NYAP2: variants seen among roughly 807,000 people sequenced by gnomAD.
NYAP2 encodes the protein neuronal tyrosine-phosphorylated phosphoinositide-3-kinase adaptor 2, also known as neuronal tyrosine-phosphorylated phosphoinositide-3-kinase adapter 2.
Under a neutral mutation model 50.4 loss-of-function variants are expected in NYAP2, and 23 were observed. That is an observed-to-expected ratio of 0.46 (90% CI 0.33 to 0.65). The LOEUF (loss-of-function observed/expected upper bound fraction) is 0.65, where lower values mean the gene tolerates loss of function less well. Among genes scored for constraint, NYAP2 ranks in the 30% least tolerant of loss-of-function variants. The pLI, the probability that NYAP2 is intolerant of heterozygous loss-of-function variation, is 0.02. For missense variants in NYAP2, 885 were observed against 861.0 expected (o/e 1.03, Z -0.35); for synonymous variants, 394 against 365.2 (o/e 1.08, Z -0.90).
At chr2:225,534,315 A>C (rs931538365) in intron 4 of NYAP2, among the ~76,000 whole-genome samples, 3 of 152,238 alleles carry the variant, frequency 2.0e-5, no homozygotes, top group African/African-American at 7.2e-5. Context: ...AAATTCCCAC[A>C]GCAGGGGCCA....
At chr2:225,627,442 T>A (rs1244087421) in intron 6 of NYAP2, among the ~76,000 whole-genome samples, 1 of 152,232 alleles carries the variant, frequency 6.6e-6, no homozygotes, top group African/African-American at 2.4e-5. Context: ...AAAGCAGTTT[T>A]AACTTGCGAA....
chr2:225,676,218 C>A, the NYAP2 span, among the ~76,000 whole-genome samples: 3 of 152,022 alleles, frequency 2.0e-5, no homozygotes, highest in Non-Finnish European at 2.9e-5. Context: ...GCCATAAATT[C>A]TTTCACAAAA....
intron 3 of NYAP2, among the ~76,000 whole-genome samples, chr2:225,448,657 G>A (rs1234159067): frequency 6.6e-6 from 1 of 152,078 alleles, no homozygotes; most frequent in Non-Finnish European, 1.5e-5. Flanking sequence ...AGTAGGGCTG[G>A]CCCTCTCTTC....
intron 4 of NYAP2, among the ~76,000 whole-genome samples, chr2:225,553,396 A>G (rs1415628897): frequency 6.6e-6 from 1 of 152,236 alleles, no homozygotes; most frequent in Non-Finnish European, 1.5e-5. Context: ...CAACTCCAGA[A>G]TCACAGGGCT....
intron 4 of NYAP2, among the ~76,000 whole-genome samples, chr2:225,560,279 G>A: frequency 6.6e-6 from 1 of 151,978 alleles, no homozygotes. Context: ...GTACTTTATT[G>A]TATAGTTATA....
At chr2:225,429,965 ACT>A (rs1455540216) in intron 3 of NYAP2, among the ~76,000 whole-genome samples, 2 of 152,152 alleles carry the variant, frequency 1.3e-5, no homozygotes. Context: ...TGGTCATGTG[ACT>A]CTGCCTACAG....
At chr2:225,604,582 C>A (rs1465869337) in intron 5 of NYAP2, among the ~76,000 whole-genome samples, 1 of 152,066 alleles carries the variant, frequency 6.6e-6, no homozygotes. Flanking sequence ...AAATATATTT[C>A]TATGTGTTTT....
At chr2:225,672,096 T>C in the NYAP2 span, among the ~76,000 whole-genome samples, 1 of 152,126 alleles carries the variant, frequency 6.6e-6, no homozygotes, top group Admixed American at 6.6e-5. Context: ...TTAAAGTCAC[T>C]GGCTGCATTA....
chr2:225,429,696 T>A (rs766601282), intron 3 of NYAP2, among the ~76,000 whole-genome samples: 1 of 152,228 alleles, frequency 6.6e-6, no homozygotes, highest in Non-Finnish European at 1.5e-5. Flanking sequence ...ATAGCACATA[T>A]GTTTGCAGAA....
chr2:225,462,173 C>A (rs996325240), intron 3 of NYAP2, among the ~76,000 whole-genome samples: 4 of 152,108 alleles, frequency 2.6e-5, no homozygotes, highest in African/African-American at 9.7e-5. Flanking sequence ...AAGCTTAGAT[C>A]ATTGGATTTG....
exon 7 of NYAP2, chr2:225,651,661 T>G (rs1341224337): frequency 7.4e-7 from 1 of 1,355,372 alleles, no homozygotes; most frequent in African/African-American, 1.4e-5. Flanking sequence ...TATGTGTGTA[T>G]GGGTTAGGGG....
intron 5 of NYAP2, among the ~76,000 whole-genome samples, chr2:225,617,449 A>T (rs1050057302): frequency 6.6e-6 from 1 of 152,168 alleles, no homozygotes; most frequent in African/African-American, 2.4e-5. Flanking sequence ...AAATAAAAAA[A>T]AAACAGCAGT....
intron 4 of NYAP2, among the ~76,000 whole-genome samples, chr2:225,572,588 A>G (rs1692092732): frequency 6.6e-6 from 1 of 152,212 alleles, no homozygotes; most frequent in African/African-American, 2.4e-5. Context: ...CTCCCATGAC[A>G]TTTGGGGATT....
At chr2:225,503,632 G>A (rs1435711054) in intron 3 of NYAP2, among the ~76,000 whole-genome samples, 1 of 152,172 alleles carries the variant, frequency 6.6e-6, no homozygotes, top group Non-Finnish European at 1.5e-5. Flanking sequence ...TTATAATTAA[G>A]CATCACATTA....
chr2:225,556,261 A>G (rs896194115), intron 4 of NYAP2, among the ~76,000 whole-genome samples: 1 of 152,208 alleles, frequency 6.6e-6, no homozygotes, highest in Non-Finnish European at 1.5e-5. Context: ...AATCCTGCAC[A>G]TATACGATAT....
intron 3 of NYAP2, among the ~76,000 whole-genome samples, chr2:225,455,287 A>G (rs1054143841): frequency 1.3e-5 from 2 of 152,222 alleles, no homozygotes; most frequent in Admixed American, 6.5e-5. Context: ...AGCAATAGGA[A>G]ATGGATACAC....
At chr2:225,406,012 C>T (rs564082739) in intron 2 of NYAP2, among the ~76,000 whole-genome samples, 6 of 151,982 alleles carry the variant, frequency 3.9e-5, no homozygotes, top group African/African-American at 1.2e-4. Flanking sequence ...GGGAAACTAA[C>T]AGTAATGTTA....
intron 5 of NYAP2, among the ~76,000 whole-genome samples, chr2:225,605,664 TAAA>T (rs1692772799): frequency 2.0e-5 from 3 of 151,904 alleles, no homozygotes; most frequent in African/African-American, 7.2e-5. Context: ...ATAATGTAAA[TAAA>T]TAAATAAATA....
chr2:225,465,494 A>T (rs1486809588), intron 3 of NYAP2, among the ~76,000 whole-genome samples: 2 of 152,078 alleles, frequency 1.3e-5, no homozygotes, highest in Non-Finnish European at 2.9e-5. Flanking sequence ...AGGTGGGCGG[A>T]TCACAAGGTC....
Sources: gnomAD v4.1 joint callset for allele counts (sites outside exome capture counted in the v4.1 genomes callset) on GRCh38, gnomAD v4.1.1 for gene constraint, MANE v1.5 for transcripts, NCBI Gene and HGNC (gene_info 2026-07-23, HGNC 2026-07-21) for gene names.